WWOX: variants seen among roughly 807,000 people sequenced by gnomAD.
WWOX encodes the protein WW domain containing oxidoreductase.
A neutral mutation model predicts 46.2 loss-of-function variants in WWOX; 69 were observed. The ratio of observed to expected loss-of-function variants is 1.49; its 90% CI spans 1.23 to 1.82. The LOEUF (loss-of-function observed/expected upper bound fraction) is 1.82. Among genes scored for constraint, WWOX ranks in the 40% most tolerant of loss-of-function variants. The pLI is 0.00. For synonymous variants in WWOX, 359 were observed against 202.6 expected (o/e 1.77, Z -6.56); for missense variants, 919 against 542.6 (o/e 1.69, Z -6.89).
chr16:78,647,598 C>G (rs1303093643), intron 8 of WWOX, among the ~76,000 whole-genome samples: 4 of 152,204 alleles, frequency 2.6e-5, no homozygotes, highest in Non-Finnish European at 4.4e-5. Context: ...AGATTCCTCC[C>G]CATTCTATAA....
chr16:78,917,009 G>T (rs2045267031), intron 8 of WWOX, among the ~76,000 whole-genome samples: 1 of 152,130 alleles, frequency 6.6e-6, no homozygotes, highest in Non-Finnish European at 1.5e-5. Context: ...GCACCATTTT[G>T]TGACAAGCTC....
intron 5 of WWOX, among the ~76,000 whole-genome samples, chr16:78,355,300 T>A (rs1415534838): frequency 1.1e-4 from 16 of 152,042 alleles, no homozygotes; most frequent in Admixed American, 1.0e-3. Context: ...TGTATGTGTA[T>A]AGATAAAAAT....
At chr16:79,033,231 A>C (rs953907513) in intron 8 of WWOX, among the ~76,000 whole-genome samples, 1 of 147,506 alleles carries the variant, frequency 6.8e-6, no homozygotes, top group Non-Finnish European at 1.5e-5. Context: ...TTAGGGTAAA[A>C]CAAAGTCTAT....
At chr16:79,010,286 C>T (rs895910555) in intron 8 of WWOX, among the ~76,000 whole-genome samples, 2 of 152,192 alleles carry the variant, frequency 1.3e-5, no homozygotes, top group Admixed American at 6.5e-5. Context: ...GAGGGAGACA[C>T]TCACATTAGA....
At chr16:78,143,526 A>G (rs570455976) in intron 4 of WWOX, among the ~76,000 whole-genome samples, 1 of 152,312 alleles carries the variant, frequency 6.6e-6, no homozygotes, top group African/African-American at 2.4e-5. Context: ...GGCTGCTTTC[A>G]CATCATAACA....
chr16:78,880,925 C>G (rs1380656336), intron 8 of WWOX, among the ~76,000 whole-genome samples: 1 of 151,778 alleles, frequency 6.6e-6, no homozygotes, highest in Non-Finnish European at 1.5e-5. Flanking sequence ...CTCCTGTTTT[C>G]CAAGCACTTT....
chr16:78,671,367 G>A (rs755114004), intron 8 of WWOX, among the ~76,000 whole-genome samples: 5 of 152,196 alleles, frequency 3.3e-5, no homozygotes, highest in East Asian at 3.8e-4. Flanking sequence ...GGAGGTTGCC[G>A]TCAGCTGAGA....
chr16:78,218,676 C>G (rs1312815254), intron 5 of WWOX, among the ~76,000 whole-genome samples: 1 of 152,156 alleles, frequency 6.6e-6, no homozygotes, highest in Non-Finnish European at 1.5e-5. Context: ...AGCGTGGTCT[C>G]CATTCTAGAA....
chr16:78,403,187 A>G (rs1441906704), intron 6 of WWOX, among the ~76,000 whole-genome samples: 5 of 152,254 alleles, frequency 3.3e-5, no homozygotes, highest in Admixed American at 3.3e-4. Flanking sequence ...GCTTAAGCAC[A>G]TTCCCCAAAC....
At chr16:78,464,911 A>G (rs1397929) in intron 8 of WWOX, among the ~76,000 whole-genome samples, 21,706 of 152,242 alleles carry the variant, frequency 0.14, 1,558 homozygotes, top group Non-Finnish European at 0.15. Context: ...TTTATAAAGA[A>G]AAAGAGATTT....
At chr16:78,372,133 T>G (rs1343157680) in intron 5 of WWOX, among the ~76,000 whole-genome samples, 1 of 152,186 alleles carries the variant, frequency 6.6e-6, no homozygotes, top group African/African-American at 2.4e-5. Context: ...GGCACAGGGA[T>G]TTTTGTGAAC....
intron 8 of WWOX, among the ~76,000 whole-genome samples, chr16:78,961,394 T>A (rs946535659): frequency 2.0e-5 from 3 of 152,178 alleles, no homozygotes; most frequent in Non-Finnish European, 4.4e-5. Flanking sequence ...GTTTGTGGCA[T>A]GGCACAAAGA....
chr16:78,901,988 T>G (rs1311997566), intron 8 of WWOX, among the ~76,000 whole-genome samples: 1 of 152,190 alleles, frequency 6.6e-6, no homozygotes, highest in Non-Finnish European at 1.5e-5. Flanking sequence ...GTGGCAGATT[T>G]GCCTTAGGAA....
chr16:78,321,388 A>ATGCG (rs2080476818), intron 5 of WWOX, among the ~76,000 whole-genome samples: 1 of 101,972 alleles, frequency 9.8e-6, no homozygotes, highest in African/African-American at 4.9e-5. Context: ...ATGCGTATAT[A>ATGCG]TATACGTATA....
intron 8 of WWOX, among the ~76,000 whole-genome samples, chr16:78,665,078 G>C (rs1459485454): frequency 1.3e-5 from 2 of 152,188 alleles, no homozygotes; most frequent in South Asian, 2.1e-4. Flanking sequence ...GGAATTGGTA[G>C]GATCATCTAT....
At chr16:79,149,699 T>G (rs1207623536) in intron 8 of WWOX, among the ~76,000 whole-genome samples, 3 of 152,252 alleles carry the variant, frequency 2.0e-5, no homozygotes, top group Non-Finnish European at 4.4e-5. Context: ...TTCTCTCAGC[T>G]GGCATTCTGC....
intron 8 of WWOX, among the ~76,000 whole-genome samples, chr16:78,919,008 G>A (rs1400988234): frequency 1.3e-5 from 2 of 152,098 alleles, no homozygotes; most frequent in African/African-American, 2.4e-5. Context: ...TACAGTCGTG[G>A]TGTCAGGTAG....
chr16:78,580,049 G>T (rs2045010033), intron 8 of WWOX, among the ~76,000 whole-genome samples: 1 of 151,718 alleles, frequency 6.6e-6, no homozygotes, highest in South Asian at 2.1e-4. Context: ...CAAGGGCCAT[G>T]TTTGCTGTTT....
At position 78,507,448 on chromosome 16, in the gene WWOX, C is replaced by T. The variant is rs560746227; in HGVS notation, c.1056+74696C>T. On this transcript the variant is annotated intron_variant, in intron 8 of 8. Transcript: ENST00000566780. ...TATCTCAGTCATTTTACAGCTCTGG[C>T]ATTTCTGGGTAACACTTTAGAATAC... Among the ~76,000 whole-genome samples, 4 of 152,268 alleles carry T rather than the reference C, an allele frequency of 2.6e-5. No individual in the cohort carries two copies. In the South Asian group the frequency reaches 8.3e-4, roughly 32 times the overall value.
Sources: allele counts gnomAD v4.1 joint callset (sites outside exome capture counted in the v4.1 genomes callset), GRCh38; gene constraint gnomAD v4.1.1; transcripts MANE v1.5; gene names NCBI Gene and HGNC (gene_info 2026-07-23, HGNC 2026-07-21).